Variants in CCDC3 observed in about 807,000 individuals in gnomAD.
CCDC3 encodes coiled-coil domain-containing protein 3.
CCDC3 carries 24 observed loss-of-function variants against 21.4 expected under a neutral mutation model. The ratio of observed to expected loss-of-function variants is 1.12; its 90% CI spans 0.81 to 1.58. The LOEUF (loss-of-function observed/expected upper bound fraction) is 1.58, where lower values mean the gene tolerates loss of function less well. Among genes scored for constraint, CCDC3 ranks in the 40% most tolerant of loss-of-function variants. The pLI, the probability that CCDC3 is intolerant of heterozygous loss-of-function variation, is 0.00. For synonymous variants in CCDC3, 186 were observed against 166.0 expected (o/e 1.12, Z -0.93); for missense variants, 425 against 360.9 (o/e 1.18, Z -1.44).
chr10:13,003,990 C>T (rs1439986378), upstream of CCDC3, among the ~76,000 whole-genome samples: 3 of 152,180 alleles, frequency 2.0e-5, no homozygotes, highest in Non-Finnish European at 2.9e-5. Flanking sequence ...TGAGCCATTG[C>T]AGTGTACCGT....
At chr10:12,925,071 A>G (rs1834513856) in intron 2 of CCDC3, among the ~76,000 whole-genome samples, 1 of 152,162 alleles carries the variant, frequency 6.6e-6, no homozygotes, top group Non-Finnish European at 1.5e-5. Context: ...GGGGCCACCA[A>G]TACCCTACAG....
chr10:13,053,259 A>C (rs1053590669), intron 4 of CCDC3, among the ~76,000 whole-genome samples: 1 of 152,152 alleles, frequency 6.6e-6, no homozygotes, highest in Middle Eastern at 3.2e-3. Flanking sequence ...TGTGACAACC[A>C]CTGACTTACG....
chr10:13,094,497 C>T (rs1383152479), intron 3 of CCDC3, among the ~76,000 whole-genome samples: 3 of 152,024 alleles, frequency 2.0e-5, no homozygotes, highest in Admixed American at 1.3e-4. Flanking sequence ...CCTCATGACC[C>T]GCCCACCTCA....
chr10:13,067,001 A>G (rs1836827607), intron 4 of CCDC3, among the ~76,000 whole-genome samples: 1 of 152,138 alleles, frequency 6.6e-6, no homozygotes. Flanking sequence ...ATTCTGCAAC[A>G]TTTTGGCTCC....
chr10:12,968,488 G>A (rs1835294378), intron 2 of CCDC3, among the ~76,000 whole-genome samples: 2 of 152,304 alleles, frequency 1.3e-5, no homozygotes, highest in Non-Finnish European at 2.9e-5. Context: ...AAAGGTTAAA[G>A]AGAGTTCTTC....
intron 2 of CCDC3, among the ~76,000 whole-genome samples, chr10:12,915,607 CTTTG>C (rs1461444047): frequency 1.3e-5 from 2 of 152,134 alleles, no homozygotes; most frequent in Admixed American, 6.5e-5. Flanking sequence ...TTATTTCAGT[CTTTG>C]TTTGAGAAAG....
chr10:12,983,027 G>C (rs752910315), intron 2 of CCDC3, among the ~76,000 whole-genome samples: 6 of 149,782 alleles, frequency 4.0e-5, no homozygotes, highest in Middle Eastern at 3.5e-3. Flanking sequence ...CACAAGAATG[G>C]CTTAAACCCG....
intron 2 of CCDC3, among the ~76,000 whole-genome samples, chr10:12,963,262 T>C (rs1413971943): frequency 6.6e-6 from 1 of 152,216 alleles, no homozygotes; most frequent in Non-Finnish European, 1.5e-5. Flanking sequence ...CATCTCCTCT[T>C]TGCTTCTGAG....
chr10:13,075,394 G>A (rs1034688737), intron 3 of CCDC3, among the ~76,000 whole-genome samples: 2 of 152,024 alleles, frequency 1.3e-5, no homozygotes, highest in Admixed American at 6.5e-5. Flanking sequence ...TATCTGAGTC[G>A]GGGAAGATGA....
chr10:13,059,969 A>G (rs1183408499), intron 4 of CCDC3, among the ~76,000 whole-genome samples: 1 of 152,110 alleles, frequency 6.6e-6, no homozygotes, highest in Non-Finnish European at 1.5e-5. Context: ...CTGTAATCCC[A>G]GCTACTTGGG....
At chr10:12,917,470 A>T (rs1834378519) in intron 2 of CCDC3, among the ~76,000 whole-genome samples, 1 of 152,036 alleles carries the variant, frequency 6.6e-6, no homozygotes, top group Non-Finnish European at 1.5e-5. Flanking sequence ...TGCTGGGATT[A>T]CAGGCGTGAG....
rs10653974 is a variant in CCDC3 at position 13,040,687 on chromosome 10, T to TCACACACACACACACA, written c.-2+8971_-2+8986dup. Among the ~76,000 whole-genome samples the TCACACACACACACACA allele has an allele frequency of 2.2e-3, 309 of 142,840 alleles. 5 individuals carry two copies. The highest frequency in any genetic ancestry group is 7.4e-3 in the African/African-American group (280 of 38,032). 93.7% of individuals were successfully genotyped at this position (142,840 alleles called of 152,430 possible). The stretch of plus-strand genomic sequence containing the variant: ...CCTGGGCAACAAGAGCAAAACTCTG[T>TCACACACACACACACA]CACACACACACACACACACACACAC... On this transcript the variant is annotated intron_variant, in intron 5 of 6. Coordinates refer to the CCDC3 transcript ENST00000378839.
intron 2 of CCDC3, among the ~76,000 whole-genome samples, chr10:12,982,765 C>T (rs1195894899): frequency 1.6e-5 from 2 of 125,922 alleles, no homozygotes; most frequent in Non-Finnish European, 3.1e-5. Flanking sequence ...TGCACTCCAG[C>T]CTGGGTGACA....
intron 5 of CCDC3, among the ~76,000 whole-genome samples, chr10:13,032,680 A>G (rs11597517): frequency 0.045 from 6,905 of 152,324 alleles, 205 homozygotes; most frequent in Non-Finnish European, 0.069. Flanking sequence ...AATCACAAGC[A>G]TTCCTATACA....
chr10:12,944,795 C>G (rs1431472360), intron 2 of CCDC3, among the ~76,000 whole-genome samples: 4 of 152,150 alleles, frequency 2.6e-5, no homozygotes, highest in Non-Finnish European at 5.9e-5. Context: ...AGAAAAATAA[C>G]TTAAGGTGAC....
chr10:12,992,528 A>T (rs564633031), intron 2 of CCDC3, among the ~76,000 whole-genome samples: 2 of 152,260 alleles, frequency 1.3e-5, no homozygotes, highest in African/African-American at 4.8e-5. Context: ...ACTGGAGACC[A>T]CTATTCTAAA....
chr10:13,034,268 C>A (rs1402548146), intron 5 of CCDC3, among the ~76,000 whole-genome samples: 1 of 145,152 alleles, frequency 6.9e-6, no homozygotes, highest in Non-Finnish European at 1.5e-5. Context: ...TGCATGTTCT[C>A]ACTCATAGGT....
At chr10:13,048,203 T>C (rs1024794483) in intron 5 of CCDC3, among the ~76,000 whole-genome samples, 1 of 146,610 alleles carries the variant, frequency 6.8e-6, no homozygotes, top group African/African-American at 2.7e-5. Context: ...GTCCCAATTA[T>C]TTTTTTTTAG....
At chr10:13,006,841 G>A (rs1835929442) in intron 5 of CCDC3, among the ~76,000 whole-genome samples, 1 of 152,128 alleles carries the variant, frequency 6.6e-6, no homozygotes, top group Non-Finnish European at 1.5e-5. Context: ...CTCTCTGTGG[G>A]AATTCAAGTC....
Sources: allele counts gnomAD v4.1 joint callset (sites outside exome capture counted in the v4.1 genomes callset), GRCh38; gene constraint gnomAD v4.1.1; transcripts MANE v1.5; gene names NCBI Gene and HGNC (gene_info 2026-07-23, HGNC 2026-07-21).